Variants in PKD1L1 observed in about 807,000 individuals in gnomAD.
PKD1L1 encodes polycystin-1-like protein 1.
Under a neutral mutation model 323.4 loss-of-function variants are expected in PKD1L1, and 236 were observed. That is an observed-to-expected ratio of 0.73 (90% CI 0.66 to 0.81). The LOEUF (loss-of-function observed/expected upper bound fraction) is 0.81. Ranked by LOEUF, PKD1L1 falls within the 40% of genes least tolerant of loss-of-function variation. The probability of loss-of-function intolerance (pLI) is 0.00; values close to 1 mark genes in which losing one functional copy is unlikely to be tolerated. For synonymous variants in PKD1L1, 1,344 were observed against 1,335.0 expected, an observed-to-expected ratio of 1.01 and a Z score of -0.15; for missense variants, 3,320 against 3,508.0, an observed-to-expected ratio of 0.95 and a Z score of 1.35.
intron 12 of PKD1L1, among the ~76,000 whole-genome samples, chr7:47,903,122 GA>G (rs1222829723): frequency 2.0e-5 from 3 of 152,210 alleles, no homozygotes; most frequent in Non-Finnish European, 2.9e-5. Flanking sequence ...CTTTACTAAG[GA>G]AATAAGTGGT....
In PKD1L1 at chr7:47,857,714, T is replaced by C. The variant is rs765350505; in HGVS notation, c.4481A>G (p.Asp1494Gly). Residue 1494 changes from aspartate to glycine, a missense_variant, in exon 28 of 57, where the codon GAC becomes GGC. Asp to Gly is a moderately conservative substitution (Grantham distance 94, BLOSUM62 -1). Coordinates refer to ENST00000289672, the MANE Select transcript of PKD1L1 (RefSeq NM_138295.5). ...CCCAGCAGGACTGTGCCCAGCAAGG[T>C]CACCAGGTAAATGCACCTGGACAGA... The part of the protein sequence containing the change: ...LGSVQVHLPG[D>G]LAGHSPAGAE... 3.1e-6 allele frequency: 5 copies of C among 1,613,784 alleles called. No homozygotes were observed. The African/African-American group carries it at 6.7e-5, about 22-fold the overall frequency.
Position 47,827,441 on chromosome 7 carries a change from G to T in PKD1L1, c.6763C>A (p.His2255Asn). ...GATGGTGGATGCGCCCAGCGCAGGT[G>T]GCGAGCTTGTTGTCGGGCAGCCAAG... ...KVLAARQQAR[H>N]LRWAHPPSKA... is the part of the protein sequence containing the mutation. The change falls in exon 45 of 57, where the codon CAC becomes AAC. Residue 2255 changes from histidine (H) to asparagine (N), a missense_variant. By Grantham distance (68) the His-to-Asn change is moderately conservative (BLOSUM62 1). Transcript: ENST00000289672. The T allele has an allele frequency of 3.1e-6, 5 of 1,611,666 alleles. No individual in the cohort carries two copies. Among genetic ancestry groups the T allele is most frequent in the Non-Finnish European group, 4.2e-6 (5 of 1,179,496 alleles).
intron 7 of PKD1L1, among the ~76,000 whole-genome samples, chr7:47,921,312 G>A (rs1312796058): frequency 6.7e-6 from 1 of 149,064 alleles, no homozygotes; most frequent in Non-Finnish European, 1.5e-5. Flanking sequence ...CTAATGATCA[G>A]GGAAATGCAA....
chr7:47,908,377 G>T, intron 8 of PKD1L1, 127 bp from the exon 9 acceptor site: 1 of 905,936 alleles, frequency 1.1e-6, no homozygotes, highest in Non-Finnish European at 1.7e-6. Flanking sequence ...GATCTTTCTT[G>T]TCTCTTGTAG....
intron 16 of PKD1L1, among the ~76,000 whole-genome samples, chr7:47,890,236 C>T (rs4292597): frequency 0.046 from 6,999 of 152,228 alleles, 386 homozygotes; most frequent in African/African-American, 0.14. Flanking sequence ...CCAGGAGAGT[C>T]CCCGATCTTT....
At chr7:47,880,284 A>T (rs778869743) in intron 21 of PKD1L1, among the ~76,000 whole-genome samples, 28,627 of 57,406 alleles carry the variant, frequency 0.5, 8,918 homozygotes, top group East Asian at 0.63. Flanking sequence ...ATATATATAT[A>T]TTTTTTTTTT....
chr7:47,838,516 C>G lies in PKD1L1; in HGVS notation c.5769+930G>C, dbSNP rs184384758. Reference sequence around the variant, plus strand: ...TCAGCAAATGGTCATGCACAGTGGGCCACTATATAGCCCTGAAATGATGTT... The same window carrying G: ...TCAGCAAATGGTCATGCACAGTGGGGCACTATATAGCCCTGAAATGATGTT... On this transcript the variant is annotated intron_variant, in intron 36 of 56. Coordinates refer to ENST00000289672, the MANE Select transcript of PKD1L1 (RefSeq NM_138295.5). 4.0e-5 allele frequency among the ~76,000 whole-genome samples: 6 copies of G among 150,450 alleles called. No individual in the cohort carries two copies. In the South Asian group the frequency reaches 1.2e-3, roughly 31 times the overall value.
At chr7:47,906,554 T>C (rs1787211581) in intron 9 of PKD1L1, among the ~76,000 whole-genome samples, 1 of 151,956 alleles carries the variant, frequency 6.6e-6, no homozygotes, top group Non-Finnish European at 1.5e-5. Context: ...TGTATGTACA[T>C]ACATATGGAG....
intron 52 of PKD1L1, among the ~76,000 whole-genome samples, chr7:47,805,150 T>C (rs1784751385): frequency 6.6e-6 from 1 of 152,072 alleles, no homozygotes; most frequent in African/African-American, 2.4e-5. Flanking sequence ...CCCCAAGGTA[T>C]GTATCATAGT....
At chr7:47,889,942 G>A (rs1465641965) in intron 16 of PKD1L1, among the ~76,000 whole-genome samples, 1 of 152,198 alleles carries the variant, frequency 6.6e-6, no homozygotes, top group Non-Finnish European at 1.5e-5. Flanking sequence ...GGAAACAGCT[G>A]CAACTCACAC....
intron 45 of PKD1L1, among the ~76,000 whole-genome samples, chr7:47,825,624 C>G (rs759831095): frequency 1.3e-5 from 2 of 150,820 alleles, no homozygotes; most frequent in African/African-American, 4.9e-5. Flanking sequence ...TTTCTTTTTA[C>G]GTAGGAGTTA....
chr7:47,844,809 A>C (rs968955953), intron 33 of PKD1L1, among the ~76,000 whole-genome samples, 186 bp downstream of exon 33: 10 of 152,240 alleles, frequency 6.6e-5, no homozygotes, highest in Non-Finnish European at 1.5e-4. Context: ...GAGAGACAAG[A>C]TATATAAGTA....
chr7:47,902,058 A>AAAAAG (rs746953843), intron 13 of PKD1L1, among the ~76,000 whole-genome samples: 8 of 121,954 alleles, frequency 6.6e-5, no homozygotes, highest in African/African-American at 1.7e-4. Flanking sequence ...AGAAAAGAAA[A>AAAAAG]AAAAGAAAAG....
chr7:47,808,153 G>A lies in PKD1L1; in HGVS notation c.7827+94C>T, dbSNP rs3734931. The stretch of plus-strand genomic sequence containing the variant: ...TCTCTCGATATCAAACAAATCTGTT[G>A]TCTCGCACCTTCTAGAGTTTGTGTG... On this transcript the variant is annotated intron_variant, in intron 52 of 56. Transcript: ENST00000289672. 0.051 allele frequency: 74,943 copies of A among 1,458,826 alleles called. 2,378 individuals are homozygous for A. Among genetic ancestry groups the A allele is most frequent in the South Asian group, 0.14 (10,563 of 77,872 alleles). 90.4% of individuals were successfully genotyped at this position (1,458,826 alleles called of 1,614,324 possible). A position where few individuals can be genotyped will look rare whatever the true frequency, so the allele number is the denominator to read the frequency against.
rs751511055 is a variant in PKD1L1, at chr7:47,813,077, C to T, written c.7346+44G>A. On this transcript the variant is annotated intron_variant, in intron 49 of 56. Coordinates refer to ENST00000289672, the MANE Select transcript of PKD1L1 (RefSeq NM_138295.5). ...CCAGCAGGCACCAGAGCTGGAGTGG[C>T]GGTGGCAGGCAGGATGAGCCCCGGC... is the stretch of plus-strand genomic sequence containing the variant. 1.5e-5 allele frequency: 24 copies of T among 1,583,372 alleles called. No individual in the cohort carries two copies. In the East Asian group the frequency reaches 3.4e-4, roughly 22 times the overall value.
intron 13 of PKD1L1, among the ~76,000 whole-genome samples, chr7:47,901,580 G>A (rs765616433): frequency 1.6e-4 from 24 of 152,254 alleles, no homozygotes; most frequent in Non-Finnish European, 2.6e-4. Flanking sequence ...CCCAGAGAAC[G>A]CGTTCCCCCA....
chr7:47,806,192 T>C (rs938039772), intron 52 of PKD1L1, among the ~76,000 whole-genome samples: 6 of 152,204 alleles, frequency 3.9e-5, no homozygotes, highest in African/African-American at 1.2e-4. Flanking sequence ...GCCCTAGTCA[T>C]GCTTCTAGAA....
chr7:47,919,153 A>C (rs1787488184), intron 7 of PKD1L1, among the ~76,000 whole-genome samples: 1 of 152,188 alleles, frequency 6.6e-6, no homozygotes, highest in Non-Finnish European at 1.5e-5. Context: ...AGAAGACAGA[A>C]AATCCAAATA....
intron 4 of PKD1L1, among the ~76,000 whole-genome samples, chr7:47,935,947 A>G (rs1453715645): frequency 6.6e-6 from 1 of 152,274 alleles, no homozygotes; most frequent in African/African-American, 2.4e-5. Context: ...GTGGAACTGA[A>G]TAATAACGAG....
Sources: gnomAD v4.1 joint callset for allele counts (sites outside exome capture counted in the v4.1 genomes callset) on GRCh38, gnomAD v4.1.1 for gene constraint, MANE v1.5 for transcripts, NCBI Gene and HGNC (gene_info 2026-07-23, HGNC 2026-07-21) for gene names.